Variants in PTGER3 observed in about 807,000 individuals in gnomAD.
PTGER3 encodes prostaglandin E2 receptor EP3 subtype.
In PTGER3, 22 loss-of-function variants were observed where a neutral mutation model predicts 34.7. The observed-to-expected ratio is 0.63, with a 90% CI of 0.45 to 0.91. The LOEUF is 0.91. Ranked by LOEUF, PTGER3 falls within the 40% of genes least tolerant of loss-of-function variation. The pLI, the probability that PTGER3 is intolerant of heterozygous loss-of-function variation, is 0.00. For missense variants in PTGER3, 468 were observed against 519.4 expected, an observed-to-expected ratio of 0.90 and a Z score of 0.96; for synonymous variants, 241 against 230.1, an observed-to-expected ratio of 1.05 and a Z score of -0.43.
At chr1:70,886,371 G>C (rs1027749269) in intron 4 of PTGER3, 6 of 432,480 alleles carry the variant, frequency 1.4e-5, no homozygotes, top group African/African-American at 1.2e-4. Context: ...CCTAGTCTGT[G>C]GTATCTTGTT....
chr1:71,018,618 C>G (rs1658127571), intron 1 of PTGER3, among the ~76,000 whole-genome samples: 1 of 152,084 alleles, frequency 6.6e-6, no homozygotes, highest in Non-Finnish European at 1.5e-5. Flanking sequence ...TAAAAACTCA[C>G]TTAAATTATG....
intron 2 of PTGER3, among the ~76,000 whole-genome samples, chr1:70,987,057 C>T (rs1654992220): frequency 6.6e-6 from 1 of 152,116 alleles, no homozygotes; most frequent in African/African-American, 2.4e-5. Flanking sequence ...CCTAGTTGTA[C>T]ACTGTATAAT....
At chr1:70,858,421 G>A (rs1228719088) in intron 4 of PTGER3, among the ~76,000 whole-genome samples, 2 of 151,932 alleles carry the variant, frequency 1.3e-5, no homozygotes, top group Non-Finnish European at 2.9e-5. Context: ...TGAAAACCTC[G>A]TTTCTGTTGG....
chr1:70,956,257 A>T (rs1340555738), intron 2 of PTGER3, among the ~76,000 whole-genome samples: 4 of 152,166 alleles, frequency 2.6e-5, no homozygotes, highest in Non-Finnish European at 4.4e-5. Flanking sequence ...TAAGAAAATG[A>T]TTTGTCCAGC....
intron 4 of PTGER3, among the ~76,000 whole-genome samples, chr1:70,939,692 G>A (rs1271535299): frequency 1.3e-5 from 2 of 152,232 alleles, no homozygotes; most frequent in African/African-American, 4.8e-5. Flanking sequence ...CACAGACTGA[G>A]CTGTACATTG....
chr1:71,039,502 T>C (rs941964217), intron 1 of PTGER3, among the ~76,000 whole-genome samples: 1 of 151,348 alleles, frequency 6.6e-6, no homozygotes, highest in African/African-American at 2.4e-5. Flanking sequence ...TAGAAAAAAT[T>C]AGCCGGGTGT....
At chr1:70,875,397 G>T (rs1021952245) in intron 4 of PTGER3, among the ~76,000 whole-genome samples, 1 of 152,184 alleles carries the variant, frequency 6.6e-6, no homozygotes, top group Admixed American at 6.5e-5. Flanking sequence ...TTTTAAAGTG[G>T]CATGGACAGA....
chr1:71,029,661 C>T (rs1028725088), intron 1 of PTGER3, among the ~76,000 whole-genome samples: 2 of 152,124 alleles, frequency 1.3e-5, no homozygotes, highest in Admixed American at 6.5e-5. Flanking sequence ...CGTGATGGCT[C>T]ACACCTGTAA....
intron 1 of PTGER3, among the ~76,000 whole-genome samples, chr1:71,044,929 A>G (rs1023719100): frequency 3.3e-5 from 5 of 152,226 alleles, no homozygotes; most frequent in Admixed American, 6.5e-5. Flanking sequence ...AAGTTATATT[A>G]ATTACCACAC....
intron 2 of PTGER3, among the ~76,000 whole-genome samples, chr1:70,980,288 A>G (rs1654133880): frequency 6.6e-6 from 1 of 152,146 alleles, no homozygotes; most frequent in Non-Finnish European, 1.5e-5. Flanking sequence ...GGGGGGATTG[A>G]TAGCCAAAAA....
intron 4 of PTGER3, among the ~76,000 whole-genome samples, chr1:70,897,148 CT>C (rs1437931647): frequency 6.6e-6 from 1 of 152,100 alleles, no homozygotes; most frequent in African/African-American, 2.4e-5. Context: ...CCCCGTTCCC[CT>C]TTCCTTTGTC....
At chr1:70,855,129 T>C (rs544329427) in intron 4 of PTGER3, among the ~76,000 whole-genome samples, 3 of 146,946 alleles carry the variant, frequency 2.0e-5, no homozygotes, top group Non-Finnish European at 4.6e-5. Flanking sequence ...TACAGTGGAA[T>C]ATTACTTAGC....
chr1:70,870,662 A>T (rs1476314425), intron 4 of PTGER3, among the ~76,000 whole-genome samples: 5 of 152,210 alleles, frequency 3.3e-5, no homozygotes, highest in African/African-American at 4.8e-5. Flanking sequence ...GCTGCTTAGA[A>T]ATGTCTTCCT....
At chr1:71,046,153 C>T (rs1264768876) in intron 1 of PTGER3, among the ~76,000 whole-genome samples, 15 of 151,394 alleles carry the variant, frequency 9.9e-5, no homozygotes, top group Admixed American at 8.5e-4. Context: ...GGCGTGGTGG[C>T]GGGCGCCTGT....
chr1:70,924,817 C>A (rs1047079640), intron 4 of PTGER3, among the ~76,000 whole-genome samples: 1 of 151,988 alleles, frequency 6.6e-6, no homozygotes, highest in Non-Finnish European at 1.5e-5. Flanking sequence ...CACTTTAATC[C>A]ATGAACTCAC....
chr1:70,976,118 A>T (rs63270360), intron 2 of PTGER3, among the ~76,000 whole-genome samples: 1 of 47,372 alleles, frequency 2.1e-5, no homozygotes, highest in South Asian at 7.4e-4. Context: ...CAGGAGATTA[A>T]AAAAAAAAAA....
At chr1:70,909,261 GC>G (rs1194178318) in intron 4 of PTGER3, among the ~76,000 whole-genome samples, 3 of 152,182 alleles carry the variant, frequency 2.0e-5, no homozygotes, top group Non-Finnish European at 1.5e-5. Context: ...AGCCCAGAGA[GC>G]TATGTGTACG....
At chr1:71,027,711 A>G (rs1362363966) in intron 1 of PTGER3, among the ~76,000 whole-genome samples, 2 of 152,088 alleles carry the variant, frequency 1.3e-5, no homozygotes, top group Non-Finnish European at 2.9e-5. Flanking sequence ...ATGCTTTTGC[A>G]TTTTCTAGTA....
chr1:70,997,840 G>A (rs893421509), intron 2 of PTGER3, among the ~76,000 whole-genome samples: 2 of 152,206 alleles, frequency 1.3e-5, no homozygotes, highest in African/African-American at 4.8e-5. Context: ...TGTAGCCATA[G>A]TATGACTGTT....
Sources: gnomAD v4.1 joint callset for allele counts (sites outside exome capture counted in the v4.1 genomes callset) on GRCh38, gnomAD v4.1.1 for gene constraint, MANE v1.5 for transcripts, NCBI Gene and HGNC (gene_info 2026-07-23, HGNC 2026-07-21) for gene names.